Variants in MRE11 observed in about 807,000 individuals in gnomAD.
The protein encoded by MRE11 is MRE11 double strand break repair nuclease.
Under a neutral mutation model 91.7 loss-of-function variants are expected in MRE11, and 62 were observed. That is an observed-to-expected ratio of 0.68 (90% CI 0.55 to 0.84). MRE11 has a LOEUF of 0.84. Ranked by LOEUF, MRE11 falls within the 40% of genes least tolerant of loss-of-function variation. MRE11 has a pLI of 0.00. For synonymous variants in MRE11, 273 were observed against 271.4 expected (o/e 1.01, Z -0.06); for missense variants, 796 against 852.9 (o/e 0.93, Z 0.83).
intron 5 of MRE11, 103 bp downstream of exon 5, chr11:94,479,571 C>G (rs1946961697): frequency 1.0e-6 from 1 of 982,444 alleles, no homozygotes; most frequent in Non-Finnish European, 1.6e-6. Context: ...ACTTTTGACT[C>G]AATTTGACTA....
Position 94,443,497 on chromosome 11 carries a change from C to G in MRE11, c.1867+2313G>C, listed in dbSNP as rs1056209699. On this transcript the variant is annotated intron_variant, in intron 16 of 19. Coordinates refer to ENST00000323929, the MANE Select transcript of MRE11 (RefSeq NM_005591.4). ...GCTACTATTAGTGGTTTTATCAACT[C>G]AGGGCAAAACTGCTTGGCTTAGTTC... 2.6e-5 allele frequency among the ~76,000 whole-genome samples: 4 copies of G among 152,296 alleles called. No individual in the cohort carries two copies. In the South Asian group the frequency reaches 8.3e-4, roughly 32 times the overall value.
the MRE11 span, among the ~76,000 whole-genome samples, chr11:94,504,373 C>A: frequency 6.6e-6 from 1 of 152,110 alleles, no homozygotes; most frequent in African/African-American, 2.4e-5. Flanking sequence ...TTCAGGGGGG[C>A]CTGTTATTTA....
At chr11:94,469,552 T>C (rs1946653127) in intron 9 of MRE11, among the ~76,000 whole-genome samples, 1 of 152,186 alleles carries the variant, frequency 6.6e-6, no homozygotes, top group African/African-American at 2.4e-5. Context: ...AATCTTAATC[T>C]ATGTTTGAGT....
chr11:94,490,266 T>C (rs1947252579), intron 3 of MRE11, among the ~76,000 whole-genome samples: 1 of 152,188 alleles, frequency 6.6e-6, no homozygotes, highest in Admixed American at 6.5e-5. Flanking sequence ...TACCTTATAC[T>C]GTCTCACGGG....
chr11:94,447,319 GCTAT>G lies in MRE11; in HGVS notation c.1679_1682del (p.Asp560AlafsTer61). 2 of 1,614,066 alleles carry G rather than the reference GCTAT, an allele frequency of 1.2e-6. No individual in the cohort carries two copies. The highest frequency in any genetic ancestry group is 1.7e-6 in the Non-Finnish European group (2 of 1,180,010). ...TTCCTTTGTTGGTTGCTGCTGAGAT[GCTAT>G]CATCAGAGTCATTAGCCATCTGTTC... On this transcript the variant is annotated frameshift_variant, in exon 15 of 20. Coordinates refer to ENST00000323929, the MANE Select transcript of MRE11 (RefSeq NM_005591.4). LOFTEE classifies it high-confidence loss of function.
At chr11:94,479,456 T>A (rs1946958591) in intron 5 of MRE11, among the ~76,000 whole-genome samples, 1 of 152,182 alleles carries the variant, frequency 6.6e-6, no homozygotes, top group Non-Finnish European at 1.5e-5. Flanking sequence ...TTAACATCAG[T>A]ATTAATGAAA....
chr11:94,460,626 CT>C (rs1946389676), intron 12 of MRE11, among the ~76,000 whole-genome samples: 1 of 152,140 alleles, frequency 6.6e-6, no homozygotes, highest in Non-Finnish European at 1.5e-5. Flanking sequence ...CTAAGTTTCA[CT>C]TAAGAATGTC....
In MRE11 at chr11:94,486,007, C is replaced by A. The variant is rs755553376; in HGVS notation, c.231G>T (p.Glu77Asp). The A allele has an allele frequency of 6.2e-7, 1 of 1,613,826 alleles. No individual in the cohort carries two copies. The highest frequency in any genetic ancestry group is 2.2e-5 in the East Asian group (1 of 44,814). ...CACCCATACAATATTTTCTTAATAA[C>A]TCGAGGCAGGTATGTAATGTTTTCC... ...PSRKTLHTCLELLRKYCMGDR... is the reference protein window; with the variant it reads ...PSRKTLHTCLDLLRKYCMGDR... The change falls in exon 4 of 20, where the codon GAG becomes GAT. Residue 77 changes from glutamate (E) to aspartate (D), a missense_variant. By Grantham distance (45) the Glu-to-Asp change is conservative. Coordinates refer to ENST00000323929, the MANE Select transcript of MRE11 (RefSeq NM_005591.4).
intron 4 of MRE11, among the ~76,000 whole-genome samples, chr11:94,481,731 C>T (rs919270383): frequency 9.2e-5 from 14 of 152,208 alleles, no homozygotes; most frequent in Non-Finnish European, 1.8e-4. Context: ...TCTAGAGTTT[C>T]TATTCTCTTT....
At chr11:94,459,702 T>G (rs1461702026) in intron 12 of MRE11, 121 bp from the exon 13 acceptor site, 5 of 1,047,584 alleles carry the variant, frequency 4.8e-6, no homozygotes, top group Non-Finnish European at 6.9e-6. Context: ...CAGCTGTAGT[T>G]AAGCCTACTA....
In MRE11 at chr11:94,419,885, A is replaced by G; in HGVS notation, c.*240T>C. The G allele has an allele frequency of 3.2e-6, 1 of 312,876 alleles. No individual in the cohort carries two copies. The highest frequency in any genetic ancestry group is 5.9e-6 in the Non-Finnish European group (1 of 168,582). The allele number at this position is 312,876 out of a possible 1,614,324, so 19.4% of individuals were successfully genotyped here. On this transcript the variant is annotated 3_prime_UTR_variant, in exon 20 of 20. Transcript: ENST00000323929. ...GTTTTTCATTATGAAATAGAAATGT[A>G]AAATGGTAGCTTTATTTTAATCTTT...
At chr11:94,502,123 A>G in the MRE11 span, among the ~76,000 whole-genome samples, 2 of 152,210 alleles carry the variant, frequency 1.3e-5, no homozygotes, top group Non-Finnish European at 2.9e-5. Flanking sequence ...CGTGTGTGAT[A>G]CCATGTGAGC....
In MRE11 at chr11:94,476,379, T is replaced by C. The variant is rs148584947; in HGVS notation, c.569A>G (p.Tyr190Cys). ...TACTTTTTTATTGACAAACATTCGATAGAGCCTTTCATCTGGAATGGATCC... is the reference window on the plus strand; with the variant it reads ...TACTTTTTTATTGACAAACATTCGACAGAGCCTTTCATCTGGAATGGATCC... The part of the protein sequence containing the change: ...GLGSIPDERL[Y>C]RMFVNKKVTM... The change falls in exon 7 of 20, where the codon TAT becomes TGT. Residue 190 changes from tyrosine to cysteine, a missense_variant. By Grantham distance (194) the Tyr-to-Cys change is radical (BLOSUM62 -2). Transcript: ENST00000323929. 4 of 1,611,596 alleles carry C rather than the reference T, an allele frequency of 2.5e-6. No individual in the cohort carries two copies. The highest frequency in any genetic ancestry group is 3.4e-6 in the Non-Finnish European group (4 of 1,177,994).
chr11:94,475,715 G>A (rs1946835043), intron 7 of MRE11: 1 of 440,946 alleles, frequency 2.3e-6, no homozygotes, highest in African/African-American at 2.0e-5. Flanking sequence ...ATATGTAGCA[G>A]GAAACATGTC....
chr11:94,428,238 C>T (rs1005177225), intron 19 of MRE11, among the ~76,000 whole-genome samples: 11 of 152,188 alleles, frequency 7.2e-5, no homozygotes, highest in African/African-American at 2.7e-4. Flanking sequence ...AATAAAGCTG[C>T]ACATCTACAG....
At chr11:94,431,732 T>G (rs1202232770) in intron 18 of MRE11, among the ~76,000 whole-genome samples, 2 of 152,210 alleles carry the variant, frequency 1.3e-5, no homozygotes, top group East Asian at 3.9e-4. Context: ...GGGGAAGTTG[T>G]GAGCACCACG....
chr11:94,494,319 C>T (rs1370688376), upstream of MRE11: 6 of 152,238 alleles, frequency 3.9e-5, no homozygotes, highest in African/African-American at 1.4e-4. Flanking sequence ...CAGGTGTCGC[C>T]CCTAGGTCCT....
At chr11:94,451,976 C>CG (rs372454797) in intron 14 of MRE11, among the ~76,000 whole-genome samples, 12 of 152,006 alleles carry the variant, frequency 7.9e-5, no homozygotes, top group African/African-American at 2.9e-4. Context: ...GAGGCCGAGG[C>CG]GGGTGGATCA....
At chr11:94,472,416 C>T (rs1316077941) in intron 7 of MRE11, among the ~76,000 whole-genome samples, 1 of 152,032 alleles carries the variant, frequency 6.6e-6, no homozygotes. Flanking sequence ...TTTAACCAAG[C>T]ATTCATTTAA....
Sources: allele counts gnomAD v4.1 joint callset (sites outside exome capture counted in the v4.1 genomes callset), GRCh38; gene constraint gnomAD v4.1.1; transcripts MANE v1.5; gene names NCBI Gene and HGNC (gene_info 2026-07-23, HGNC 2026-07-21).